The following TMEM63B variants were observed in gnomAD, a reference collection of about 807,000 sequenced individuals.
TMEM63B encodes mechanosensitive cation channel TMEM63B.
Under a neutral mutation model 102.6 loss-of-function variants are expected in TMEM63B, and 23 were observed. That is an observed-to-expected ratio of 0.22 (90% confidence interval 0.16 to 0.32). The LOEUF is 0.32. TMEM63B is among the 10% of genes least tolerant of loss of function. The probability of loss-of-function intolerance (pLI) is 1.00; values close to 1 mark genes in which losing one functional copy is unlikely to be tolerated. For synonymous variants in TMEM63B, 444 were observed against 437.0 expected, an observed-to-expected ratio of 1.02 and a Z score of -0.20; for missense variants, 628 against 1,095.9, an observed-to-expected ratio of 0.57 and a Z score of 6.03.
intron 20 of TMEM63B, among the ~76,000 whole-genome samples, chr6:44,153,185 CAA>C (rs894144574): frequency 6.6e-6 from 1 of 152,168 alleles, no homozygotes; most frequent in Non-Finnish European, 1.5e-5. Flanking sequence ...TGAAGTTTAG[CAA>C]AGTTTCTCTT....
chr6:44,139,394 G>C, intron 6 of TMEM63B, 73 bp from the exon 7 acceptor site: 2 of 1,581,256 alleles, frequency 1.3e-6, no homozygotes. Flanking sequence ...GAGTGGGTGA[G>C]GGCAGGCAAG....
Position 44,154,935 on chromosome 6 carries a change from CCACGGA to C in TMEM63B, c.*56_*61del. 1.4e-6 allele frequency: 2 copies of C among 1,434,544 alleles called. No individual in the cohort carries two copies. The highest frequency in any genetic ancestry group is 5.0e-5 in the East Asian group (2 of 39,836). 88.9% of individuals were successfully genotyped at this position (1,434,544 alleles called of 1,614,324 possible). A position where few individuals can be genotyped will look rare whatever the true frequency, so the allele number is the denominator to read the frequency against. ...ATCCTGCCCCACCCCACCCCCACTC[CCACGGA>C]CACTAAAACGCTAATAATTTATTAG... On this transcript the variant is annotated 3_prime_UTR_variant, in exon 24 of 24. Coordinates refer to ENST00000323267, the MANE Select transcript of TMEM63B (RefSeq NM_018426.3).
chr6:44,131,700 A>G (rs1271911322), intron 1 of TMEM63B, among the ~76,000 whole-genome samples: 1 of 151,906 alleles, frequency 6.6e-6, no homozygotes, highest in African/African-American at 2.4e-5. Context: ...CTCTGGTGAC[A>G]GAGCGAGACT....
chr6:44,141,624 T>TA (rs1369466856), intron 10 of TMEM63B, among the ~76,000 whole-genome samples: 1 of 152,102 alleles, frequency 6.6e-6, no homozygotes, highest in Non-Finnish European at 1.5e-5. Flanking sequence ...AGAGGGAACT[T>TA]ACCTGGTCAC....
chr6:44,144,456 C>T (rs375338590), intron 10 of TMEM63B, among the ~76,000 whole-genome samples: 16 of 152,248 alleles, frequency 1.1e-4, no homozygotes, highest in East Asian at 3.9e-4. Flanking sequence ...AGGTCTCTAG[C>T]CTCCTGGGAA....
intron 6 of TMEM63B, chr6:44,139,027 C>A (rs918121702): frequency 2.4e-5 from 6 of 252,146 alleles, no homozygotes; most frequent in African/African-American, 4.4e-5. Context: ...GCTGCTGCCC[C>A]TCCTCCCATC....
At chr6:44,131,833 T>C (rs1778345321) in intron 1 of TMEM63B, among the ~76,000 whole-genome samples, 1 of 150,608 alleles carries the variant, frequency 6.6e-6, no homozygotes, top group Non-Finnish European at 1.5e-5. Context: ...AGTAAAATGC[T>C]CCATCACTCT....
At chr6:44,129,751 C>T (rs1777922495) in intron 1 of TMEM63B, among the ~76,000 whole-genome samples, 1 of 152,150 alleles carries the variant, frequency 6.6e-6, no homozygotes, top group South Asian at 2.1e-4. Context: ...TTTTCTTTCT[C>T]TAAACCAACC....
At chr6:44,134,986 T>C in intron 2 of TMEM63B, 31 bp from the exon 3 acceptor site, 1 of 1,612,698 alleles carries the variant, frequency 6.2e-7, no homozygotes. Flanking sequence ...AGACAGCCTC[T>C]GCACTTGCCA....
intron 6 of TMEM63B, among the ~76,000 whole-genome samples, chr6:44,139,199 C>T (rs1479162645): frequency 2.2e-4 from 34 of 152,052 alleles, no homozygotes; most frequent in Admixed American, 2.2e-3. Flanking sequence ...CTTTCTTTTA[C>T]CTATCTTTTC....
chr6:44,145,448 C>T (rs536010143), intron 10 of TMEM63B, among the ~76,000 whole-genome samples: 69 of 151,194 alleles, frequency 4.6e-4, no homozygotes, highest in Non-Finnish European at 7.7e-4. Context: ...AAAAATTAGC[C>T]GGGTGTGGTG....
At chr6:44,135,401 A>T (rs368208056) in intron 4 of TMEM63B, 35 bp downstream of exon 4, 129 of 1,591,508 alleles carry the variant, frequency 8.1e-5, no homozygotes, top group Non-Finnish European at 1.1e-4. Context: ...TTCCCACTAA[A>T]CCAGCTTTCC....
chr6:44,148,849 C>T lies in TMEM63B; in HGVS notation c.1317C>T (p.Val439=), dbSNP rs769217781. ...IWWLRCLVIN[V]VLFILLFFLT... ...GGCTGCGCTGCCTGGTCATCAATGTCGTCCTCTTCATCCTCCTCTTCTTCC... is the reference window on the plus strand; with the variant it reads ...GGCTGCGCTGCCTGGTCATCAATGTTGTCCTCTTCATCCTCCTCTTCTTCC... Residue 439 remains valine (V), a synonymous_variant, in exon 15 of 24, where the codon GTC becomes GTT. Coordinates refer to ENST00000323267, the MANE Select transcript of TMEM63B (RefSeq NM_018426.3). The surrounding 1 kb of genome is among the most constrained non-coding windows in gnomAD (Gnocchi z 5.1). 35 of 1,614,158 alleles carry T rather than the reference C, an allele frequency of 2.2e-5. No individual in the cohort carries two copies. Among genetic ancestry groups the T allele is most frequent in the South Asian group, 4.4e-5 (4 of 91,082 alleles).
chr6:44,139,901 G>C, intron 8 of TMEM63B, 142 bp downstream of exon 8: 1 of 1,033,246 alleles, frequency 9.7e-7, no homozygotes, highest in Non-Finnish European at 1.5e-6. Context: ...TTGGGTTGGA[G>C]ACAGAAGAGG....
chr6:44,140,368 G>T lies in TMEM63B; in HGVS notation c.711+8G>T. ...TACAAGGAGGATGATCTGGTGCGTG[G>T]AGCAGAGCCCAGGTCCTGCCCCATC... On this transcript the variant is annotated splice_region_variant and intron_variant, in intron 9 of 23. Transcript: ENST00000323267. The T allele has an allele frequency of 6.2e-7, 1 of 1,605,728 alleles. No homozygotes were observed. The highest frequency in any genetic ancestry group is 1.1e-5 in the South Asian group (1 of 90,846).
Position 44,140,257 on chromosome 6 carries a change from A to G in TMEM63B, c.608A>G (p.Asn203Ser). The part of the protein sequence containing the change: ...TTIANLKSGN[N>S]LLWLHTSFAF... ...ATCCTCTCTGCTTCTCCCAGGAACAACCTGCTATGGCTGCACACCTCCTTC... is the reference window on the plus strand; with the variant it reads ...ATCCTCTCTGCTTCTCCCAGGAACAGCCTGCTATGGCTGCACACCTCCTTC... Residue 203 changes from asparagine to serine, a missense_variant, in exon 9 of 24, where the codon AAC becomes AGC. Physicochemically the swap from Asn to Ser is conservative, Grantham distance 46 (BLOSUM62 1). Coordinates refer to ENST00000323267, the MANE Select transcript of TMEM63B (RefSeq NM_018426.3). 2 of 1,613,730 alleles carry G rather than the reference A, an allele frequency of 1.2e-6. No homozygotes were observed. The highest frequency in any genetic ancestry group is 1.7e-6 in the Non-Finnish European group (2 of 1,179,798).
chr6:44,153,626 AG>A (rs1165624356), intron 20 of TMEM63B, 49 bp from the exon 21 acceptor site: 4 of 1,581,740 alleles, frequency 2.5e-6, no homozygotes, highest in Non-Finnish European at 3.4e-6. Context: ...GACACACAAA[AG>A]GTTCGGCAGC....
chr6:44,139,618 G>A lies in TMEM63B; in HGVS notation c.550+9G>A, dbSNP rs770073031. On this transcript the variant is annotated intron_variant, in intron 7 of 23. Transcript: ENST00000323267. ...CTCAGGGGACCTGCTGGGTCAGTGA[G>A]GGCCAGGACGGCTAGGGTGGAGAGA... The A allele has an allele frequency of 6.2e-7, 1 of 1,614,196 alleles. No homozygotes were observed. The highest frequency in any genetic ancestry group is 8.5e-7 in the Non-Finnish European group (1 of 1,180,034).
intron 5 of TMEM63B, among the ~76,000 whole-genome samples, chr6:44,137,152 C>T (rs1763138323): frequency 6.6e-6 from 1 of 152,210 alleles, no homozygotes; most frequent in Non-Finnish European, 1.5e-5. Flanking sequence ...CCATGTGGGG[C>T]CGGTTGACCT....
Sources: allele counts gnomAD v4.1 joint callset (sites outside exome capture counted in the v4.1 genomes callset), GRCh38; gene constraint gnomAD v4.1.1; non-coding constraint Gnocchi (gnomAD v3.1); transcripts MANE v1.5; gene names NCBI Gene and HGNC (gene_info 2026-07-23, HGNC 2026-07-21).